The following SGIP1 variants were observed in gnomAD, a reference collection of about 807,000 sequenced individuals.
SGIP1 encodes SH3-containing GRB2-like protein 3-interacting protein 1.
A neutral mutation model predicts 107.5 loss-of-function variants in SGIP1; 38 were observed. The observed-to-expected ratio is 0.35, with a 90% CI of 0.27 to 0.46. The LOEUF is 0.46. Among genes scored for constraint, SGIP1 ranks in the 20% least tolerant of loss-of-function variants. SGIP1 has a pLI of 1.00. For missense variants in SGIP1, 929 were observed against 1,019.5 expected, an observed-to-expected ratio of 0.91 and a Z score of 1.21; for synonymous variants, 365 against 366.1, an observed-to-expected ratio of 1.00 and a Z score of 0.03.
chr1:66,679,874 A>G (rs1399075689), intron 14 of SGIP1, 122 bp downstream of exon 14: 1 of 905,672 alleles, frequency 1.1e-6, no homozygotes, highest in African/African-American at 1.8e-5. Flanking sequence ...GTTGGCATTC[A>G]GTTTTGCTTT....
intron 1 of SGIP1, among the ~76,000 whole-genome samples, chr1:66,554,075 A>AC (rs2148325949): frequency 6.6e-6 from 1 of 152,228 alleles, no homozygotes; most frequent in Admixed American, 6.5e-5. Flanking sequence ...TCCTGTACCA[A>AC]CCAAACATAC....
intron 3 of SGIP1, 64 bp downstream of exon 3, chr1:66,633,158 T>C: frequency 1.8e-6 from 2 of 1,113,062 alleles, no homozygotes; most frequent in Non-Finnish European, 2.7e-6. Flanking sequence ...TTTAAATTTC[T>C]CAAAGCCCTT....
chr1:66,557,409 T>A (rs990068743), intron 1 of SGIP1, among the ~76,000 whole-genome samples: 4 of 152,120 alleles, frequency 2.6e-5, no homozygotes, highest in African/African-American at 9.7e-5. Flanking sequence ...AATGTGAAAA[T>A]TGCTCAGTAT....
intron 1 of SGIP1, among the ~76,000 whole-genome samples, chr1:66,582,439 G>A (rs890469882): frequency 1.3e-5 from 2 of 151,942 alleles, no homozygotes; most frequent in African/African-American, 4.8e-5. Context: ...TGAATGGAGA[G>A]TCATTGCTCT....
intron 7 of SGIP1, chr1:66,660,172 AAAGAAAG>A (rs1233910621): frequency 6.7e-6 from 1 of 149,460 alleles, no homozygotes; most frequent in African/African-American, 4.3e-5. Flanking sequence ...AGAAAGAAAG[AAAGAAAG>A]AAAGAAAGAA....
Position 66,742,570 on chromosome 1 carries a change from T to C in SGIP1, c.2465-503T>C, listed in dbSNP as rs146763013. On this transcript the variant is annotated intron_variant, in intron 24 of 24. Transcript: ENST00000371037. Reference sequence around the variant, plus strand: ...CTGCAAGCTCCGCCTCTTGGGTTCATGCCATTCTCCTGCCTCAGCCTCCTG... The same window carrying C: ...CTGCAAGCTCCGCCTCTTGGGTTCACGCCATTCTCCTGCCTCAGCCTCCTG... Among the ~76,000 whole-genome samples the C allele has an allele frequency of 6.8e-3, 977 of 144,536 alleles. 7 individuals carry two copies. The highest frequency in any genetic ancestry group is 0.024 in the Admixed American group (339 of 14,294). 94.8% of individuals were successfully genotyped at this position (144,536 alleles called of 152,430 possible).
At chr1:66,594,118 A>T (rs114340238) in intron 1 of SGIP1, among the ~76,000 whole-genome samples, 151 of 152,324 alleles carry the variant, frequency 9.9e-4, no homozygotes, top group African/African-American at 3.6e-3. Flanking sequence ...ATATTTTGGT[A>T]GCCATAAAAT....
intron 18 of SGIP1, among the ~76,000 whole-genome samples, 187 bp from the exon 19 acceptor site, chr1:66,719,107 C>T (rs2093396012): frequency 6.6e-6 from 1 of 152,054 alleles, no homozygotes; most frequent in African/African-American, 2.4e-5. Flanking sequence ...TGTCTGTAAA[C>T]CAGCCAAATA....
intron 17 of SGIP1, among the ~76,000 whole-genome samples, chr1:66,691,921 G>T (rs2089936430): frequency 6.6e-6 from 1 of 152,174 alleles, no homozygotes; most frequent in African/African-American, 2.4e-5. Context: ...AGCACTTTGG[G>T]AGGCCGAGGC....
At chr1:66,679,920 C>G (rs2086291869) in intron 14 of SGIP1, among the ~76,000 whole-genome samples, 168 bp downstream of exon 14, 1 of 152,068 alleles carries the variant, frequency 6.6e-6, no homozygotes, top group Non-Finnish European at 1.5e-5. Context: ...TTTTAAAGCA[C>G]CACTTCCAGG....
At chr1:66,577,222 C>T (rs139154256) in intron 1 of SGIP1, among the ~76,000 whole-genome samples, 108 of 152,226 alleles carry the variant, frequency 7.1e-4, no homozygotes, top group African/African-American at 1.9e-3. Flanking sequence ...TCCATGAAGG[C>T]CTTTCTTGGT....
At chr1:66,718,165 A>C (rs2093348038) in intron 18 of SGIP1, among the ~76,000 whole-genome samples, 1 of 152,160 alleles carries the variant, frequency 6.6e-6, no homozygotes, top group Non-Finnish European at 1.5e-5. Flanking sequence ...AGAAGAGGAC[A>C]AAAGTTATTG....
At position 66,690,186 on chromosome 1, in the gene SGIP1, A is replaced by C; in HGVS notation, c.1444-4A>C. 1 of 1,612,710 alleles carries C rather than the reference A, an allele frequency of 6.2e-7. No individual in the cohort carries two copies. Among genetic ancestry groups the C allele is most frequent in the Non-Finnish European group, 8.5e-7 (1 of 1,179,518 alleles). On this transcript the variant is annotated splice_region_variant and splice_polypyrimidine_tract_variant and intron_variant, in intron 16 of 24. Coordinates refer to ENST00000371037, the MANE Select transcript of SGIP1 (RefSeq NM_032291.4). ...ACTTTTCATCTCTTTTCTTCTCCTT[A>C]CAGTCCAGACCTTTTAGCCCTCCCA...
intron 1 of SGIP1, among the ~76,000 whole-genome samples, chr1:66,588,638 C>CTTTTTTTTT (rs35096597): frequency 7.1e-5 from 7 of 98,680 alleles, no homozygotes; most frequent in Admixed American, 1.1e-4. Flanking sequence ...CTAGTTAGTT[C>CTTTTTTTTT]TTTTTTTTTT....
rs185669867 is a variant in SGIP1, at chr1:66,629,707, T to A, written c.75-3363T>A. Among the ~76,000 whole-genome samples the A allele has an allele frequency of 7.2e-5, 11 of 152,192 alleles. No individual in the cohort carries two copies. The East Asian group carries it at 2.1e-3, about 29-fold the overall frequency. ...AAGTCTGCCATGAAAAAGAAAAAAA[T>A]TATTTTAAAATACAATATAAAACCT... On this transcript the variant is annotated intron_variant, in intron 2 of 24. Transcript: ENST00000371037.
intron 1 of SGIP1, among the ~76,000 whole-genome samples, chr1:66,542,198 A>G (rs1350070983): frequency 1.3e-5 from 2 of 152,082 alleles, no homozygotes. Context: ...TTTACCTATG[A>G]TCATTTTACC....
rs757586525 is a variant in SGIP1, at chr1:66,695,435, G to C, written c.1572G>C (p.Glu524Asp). 22 of 1,613,852 alleles carry C rather than the reference G, an allele frequency of 1.4e-5. No homozygotes were observed. The highest frequency in any genetic ancestry group is 1.7e-5 in the Non-Finnish European group (20 of 1,179,994). Residue 524 changes from glutamate to aspartate, a missense_variant and splice_region_variant, in exon 18 of 25, where the codon GAG becomes GAC. This residue lies in a region of SGIP1 where 341 missense variants were observed against 430.9 expected (regional missense o/e 0.79). Coordinates refer to ENST00000371037, the MANE Select transcript of SGIP1 (RefSeq NM_032291.4). ...SLSAATTPTV[E>D]NEQPSLVWFD... ...CCGCTTCAACTCCTGGCCATACAGA[G>C]AATGAACAGCCTTCCCTCGTTTGGT...
chr1:66,682,279 G>A lies in SGIP1; in HGVS notation c.1225G>A (p.Ala409Thr). 6.2e-7 allele frequency: 1 copy of A among 1,614,212 alleles called. No homozygotes were observed. Among genetic ancestry groups the A allele is most frequent in the East Asian group, 2.2e-5 (1 of 44,874 alleles). ...TAAAGATTTTGGGTTGGGACAAAGA[G>A]CAACTCCACCTCCCCCACCACCACC... is the stretch of plus-strand genomic sequence containing the variant. ...SPKDFGLGQR[A>T]TPPPPPPPTY... The change falls in exon 15 of 25, where the codon GCA (alanine) becomes ACA (threonine). Residue 409 changes from alanine to threonine, a missense_variant. Coordinates refer to ENST00000371037, the MANE Select transcript of SGIP1 (RefSeq NM_032291.4).
Position 66,660,538 on chromosome 1 carries a change from C to A in SGIP1, c.471+14C>A. The stretch of plus-strand genomic sequence containing the variant: ...AGGAAAAGTCCGGTAAGAAATAAGT[C>A]CTTCCCGCTTTTGGGGCAAACATTA... On this transcript the variant is annotated intron_variant, in intron 8 of 24. Coordinates refer to ENST00000371037, the MANE Select transcript of SGIP1 (RefSeq NM_032291.4). 1.2e-6 allele frequency: 2 copies of A among 1,607,016 alleles called. No individual in the cohort carries two copies. Among genetic ancestry groups the A allele is most frequent in the Non-Finnish European group, 1.7e-6 (2 of 1,173,656 alleles).
Sources: gnomAD v4.1 joint callset for allele counts (sites outside exome capture counted in the v4.1 genomes callset) on GRCh38, gnomAD v4.1.1 for gene constraint, gnomAD v4.1.1 regional missense constraint, MANE v1.5 for transcripts, NCBI Gene and HGNC (gene_info 2026-07-23, HGNC 2026-07-21) for gene names.